STARD13: variants seen among roughly 807,000 people sequenced by gnomAD.
STARD13 encodes stAR-related lipid transfer protein 13.
Under a neutral mutation model 106.4 loss-of-function variants are expected in STARD13, and 62 were observed. The observed-to-expected ratio is 0.58, with a 90% CI of 0.48 to 0.72. STARD13 has a LOEUF of 0.72. Ranked by LOEUF, STARD13 falls within the 30% of genes least tolerant of loss-of-function variation. The probability of loss-of-function intolerance (pLI) is 0.00; values close to 1 mark genes in which losing one functional copy is unlikely to be tolerated. For missense variants in STARD13, 1,387 were observed against 1,424.0 expected, an observed-to-expected ratio of 0.97 and a Z score of 0.42; for synonymous variants, 565 against 553.0, an observed-to-expected ratio of 1.02 and a Z score of -0.31.
upstream of STARD13, among the ~76,000 whole-genome samples, chr13:33,351,631 T>A (rs2078080014): frequency 6.6e-6 from 1 of 152,220 alleles, no homozygotes; most frequent in Non-Finnish European, 1.5e-5. Flanking sequence ...GCCTTACACC[T>A]CAGGTTTGGG....
chr13:33,320,325 A>G (rs1893509430), intron 1 of STARD13, among the ~76,000 whole-genome samples: 1 of 152,196 alleles, frequency 6.6e-6, no homozygotes, highest in Admixed American at 6.5e-5. Flanking sequence ...CTTCCTTCCC[A>G]GAGACCACAC....
At chr13:33,659,613 A>G in the STARD13 span, 1 of 152,238 alleles carries the variant, frequency 6.6e-6, no homozygotes, top group Non-Finnish European at 1.5e-5. Context: ...TAGCACCAGA[A>G]CTGAATTGAG....
chr13:33,156,752 G>A (rs1882033211), intron 3 of STARD13, among the ~76,000 whole-genome samples: 1 of 152,130 alleles, frequency 6.6e-6, no homozygotes, highest in Non-Finnish European at 1.5e-5. Flanking sequence ...AATTTAATGA[G>A]TAAATATTTG....
At chr13:33,145,488 A>G (rs146985889) in intron 3 of STARD13, among the ~76,000 whole-genome samples, 1 of 152,260 alleles carries the variant, frequency 6.6e-6, no homozygotes, top group African/African-American at 2.4e-5. Context: ...TACTTATGCA[A>G]GATAAAAGAA....
intron 9 of STARD13, among the ~76,000 whole-genome samples, chr13:33,112,332 C>T (rs189545383): frequency 2.0e-5 from 3 of 152,210 alleles, no homozygotes; most frequent in South Asian, 2.1e-4. Context: ...ATCTGAGCCC[C>T]GTGAATTAGG....
intron 1 of STARD13, among the ~76,000 whole-genome samples, chr13:33,291,750 G>T (rs921765674): frequency 2.4e-4 from 37 of 152,184 alleles, no homozygotes; most frequent in Middle Eastern, 3.4e-3. Context: ...GCTATCTGTT[G>T]TCTCGTGCTA....
At chr13:33,393,359 T>C in the STARD13 span, among the ~76,000 whole-genome samples, 1 of 152,160 alleles carries the variant, frequency 6.6e-6, no homozygotes, top group Non-Finnish European at 1.5e-5. Flanking sequence ...CTAGCATAGC[T>C]AAAAAGGCAG....
At chr13:33,128,720 C>T (rs966862668) in intron 5 of STARD13, among the ~76,000 whole-genome samples, 7 of 152,122 alleles carry the variant, frequency 4.6e-5, no homozygotes, top group African/African-American at 1.7e-4. Flanking sequence ...AAAGGATAAG[C>T]ACAAATAAAT....
rs746524448 is a variant in STARD13, at chr13:33,106,854, C to A, written c.3128G>T (p.Gly1043Val). ...GTCCATCACCACTGCTCGCACACCA[C>A]CCAGGAGCTGGGCTTCCTCATGCTC... ...SVEHEEAQLL[G>V]GVRAVVMDSQ... The change falls in exon 13 of 14, where the codon GGT (glycine) becomes GTT (valine). Residue 1043 changes from glycine (G) to valine (V), a missense_variant. By Grantham distance (109) the Gly-to-Val change is moderately radical. Transcript: ENST00000336934. 2 of 1,614,180 alleles carry A rather than the reference C, an allele frequency of 1.2e-6. No homozygotes were observed. Among genetic ancestry groups the A allele is most frequent in the Non-Finnish European group, 1.7e-6 (2 of 1,180,010 alleles).
chr13:33,434,351 T>TGAAA, the STARD13 span, among the ~76,000 whole-genome samples: 1 of 22,028 alleles, frequency 4.5e-5, no homozygotes, highest in South Asian at 1.7e-3. Context: ...AGACTCTGTC[T>TGAAA]CAAAAAAAAA....
chr13:33,105,966 A>T (rs1444618713), intron 13 of STARD13, among the ~76,000 whole-genome samples: 1 of 152,270 alleles, frequency 6.6e-6, no homozygotes, highest in Non-Finnish European at 1.5e-5. Flanking sequence ...GGGTAAAATG[A>T]AAAGATTCAG....
At chr13:33,394,842 A>T in the STARD13 span, among the ~76,000 whole-genome samples, 1 of 152,220 alleles carries the variant, frequency 6.6e-6, no homozygotes, top group Non-Finnish European at 1.5e-5. Context: ...TTGTAGACAG[A>T]TGCAATGGCC....
chr13:33,161,818 G>T (rs990370580), intron 3 of STARD13, among the ~76,000 whole-genome samples: 1 of 152,176 alleles, frequency 6.6e-6, no homozygotes, highest in African/African-American at 2.4e-5. Flanking sequence ...GTGTGGGAAG[G>T]CCTCAGGATC....
the STARD13 span, among the ~76,000 whole-genome samples, chr13:33,460,267 C>T: frequency 2.0e-5 from 3 of 151,706 alleles, no homozygotes; most frequent in African/African-American, 4.8e-5. Flanking sequence ...GCAGGCAGAT[C>T]ACGAGGTCAG....
intron 13 of STARD13, among the ~76,000 whole-genome samples, chr13:33,106,188 G>T (rs1200951101): frequency 6.6e-6 from 1 of 152,256 alleles, no homozygotes; most frequent in Non-Finnish European, 1.5e-5. Flanking sequence ...GGGAGGCTGA[G>T]GTGGGCGGAT....
At chr13:33,435,862 C>T in the STARD13 span, among the ~76,000 whole-genome samples, 63,621 of 151,934 alleles carry the variant, frequency 0.42, 13,453 homozygotes, top group East Asian at 0.47. Flanking sequence ...AAAATCTCTT[C>T]GGCTCAGATA....
the STARD13 span, among the ~76,000 whole-genome samples, chr13:33,616,428 C>T: frequency 6.6e-6 from 1 of 152,230 alleles, no homozygotes; most frequent in East Asian, 1.9e-4. Flanking sequence ...AGACTTTCTG[C>T]TCTTCCGCAT....
At chr13:33,214,810 A>G (rs1887935819) in intron 1 of STARD13, among the ~76,000 whole-genome samples, 1 of 151,844 alleles carries the variant, frequency 6.6e-6, no homozygotes, top group Non-Finnish European at 1.5e-5. Flanking sequence ...AACAACCAGA[A>G]TGTGCTTCAA....
chr13:33,259,979 A>C (rs1271221563), intron 1 of STARD13, among the ~76,000 whole-genome samples: 8 of 146,320 alleles, frequency 5.5e-5, no homozygotes, highest in Non-Finnish European at 1.2e-4. Context: ...CTGGGTAAGA[A>C]AGTGAGATTC....
Sources: gnomAD v4.1 joint callset for allele counts (sites outside exome capture counted in the v4.1 genomes callset) on GRCh38, gnomAD v4.1.1 for gene constraint, MANE v1.5 for transcripts, NCBI Gene and HGNC (gene_info 2026-07-23, HGNC 2026-07-21) for gene names.